Variants in NTNG2 observed in about 807,000 individuals in gnomAD.
NTNG2 encodes netrin-G2.
In NTNG2, 15 loss-of-function variants were observed where a neutral mutation model predicts 47.6. The ratio of observed to expected loss-of-function variants is 0.32; its 90% confidence interval spans 0.21 to 0.49. The LOEUF is 0.49. Among genes scored for constraint, NTNG2 ranks in the 20% least tolerant of loss-of-function variants. NTNG2 has a pLI of 0.99. For missense variants in NTNG2, 578 were observed against 764.6 expected, an observed-to-expected ratio of 0.76 and a Z score of 2.88; for synonymous variants, 307 against 324.6, an observed-to-expected ratio of 0.95 and a Z score of 0.58.
intron 2 of NTNG2, among the ~76,000 whole-genome samples, chr9:132,174,363 C>T (rs973548612): frequency 1.6e-5 from 2 of 128,012 alleles, no homozygotes; most frequent in South Asian, 5.7e-4. Flanking sequence ...GCAGATTAGA[C>T]GGACAGATGG....
intron 4 of NTNG2, among the ~76,000 whole-genome samples, chr9:132,228,557 CCT>C (rs1491089502): frequency 4.3e-5 from 2 of 46,692 alleles, no homozygotes; most frequent in South Asian, 1.1e-3. Context: ...ATCACACCCT[CCT>C]TTTTTTTTTT....
intron 6 of NTNG2, among the ~76,000 whole-genome samples, chr9:132,239,501 C>T (rs557844244): frequency 2.0e-5 from 3 of 152,332 alleles, no homozygotes; most frequent in South Asian, 2.1e-4. Flanking sequence ...ACTGGAGTTG[C>T]AAAACTTACC....
intron 5 of NTNG2, among the ~76,000 whole-genome samples, chr9:132,235,079 C>T (rs2131006771): frequency 6.6e-6 from 1 of 152,236 alleles, no homozygotes; most frequent in African/African-American, 2.4e-5. Context: ...CTGGTTCATG[C>T]TGGGGTCCCT....
At chr9:132,195,650 A>G in intron 2 of NTNG2, among the ~76,000 whole-genome samples, 1 of 151,714 alleles carries the variant, frequency 6.6e-6, no homozygotes, top group Non-Finnish European at 1.5e-5. Flanking sequence ...ATTTCTTTAG[A>G]GACAGGGTCT....
At position 132,226,765 on chromosome 9, in the gene NTNG2, C is replaced by T. The variant is rs45618132; in HGVS notation, c.858-84C>T. The T allele has an allele frequency of 7.6e-7, 1 of 1,311,500 alleles. No homozygotes were observed. The highest frequency in any genetic ancestry group is 1.0e-6 in the Non-Finnish European group (1 of 978,094). 81.2% of individuals were successfully genotyped at this position (1,311,500 alleles called of 1,614,324 possible). On this transcript the variant is annotated intron_variant, in intron 3 of 7. Transcript: ENST00000393229. This position sits in a 1 kb window ranked among gnomAD's most constrained non-coding sequence, Gnocchi z 4.8. ...CAGCCCAACACCCTCCTGGGCCCCTCCTGGGAGGCGCTCCTTTCCCCAGAG... is the reference window on the plus strand; with the variant it reads ...CAGCCCAACACCCTCCTGGGCCCCTTCTGGGAGGCGCTCCTTTCCCCAGAG...
At chr9:132,229,551 G>C (rs1409703861) in intron 4 of NTNG2, among the ~76,000 whole-genome samples, 1 of 152,162 alleles carries the variant, frequency 6.6e-6, no homozygotes, top group Non-Finnish European at 1.5e-5. Flanking sequence ...TGCCCTGCCT[G>C]ATGTCCCGCC....
At chr9:132,209,930 G>T (rs888623112) in intron 3 of NTNG2, among the ~76,000 whole-genome samples, 2 of 151,602 alleles carry the variant, frequency 1.3e-5, no homozygotes, top group Admixed American at 1.3e-4. Flanking sequence ...CGGGAGGGAC[G>T]CTGGGGACAG....
At chr9:132,212,292 G>A (rs749170348) in intron 3 of NTNG2, among the ~76,000 whole-genome samples, 5 of 152,114 alleles carry the variant, frequency 3.3e-5, no homozygotes, top group African/African-American at 9.7e-5. Context: ...CATACCCACC[G>A]TGTCACCCCT....
In NTNG2 at chr9:132,197,843, A is replaced by G; in HGVS notation, c.214-123A>G. 1 of 892,574 alleles carries G rather than the reference A, an allele frequency of 1.1e-6. No homozygotes were observed. 55.3% of individuals were successfully genotyped at this position (892,574 alleles called of 1,614,324 possible). ...CCCAGCTGTGTCTGGGCACCGGAGC[A>G]CAGGCCCTGTAGCCACAGAGCAGGT... is the stretch of plus-strand genomic sequence containing the variant. On this transcript the variant is annotated intron_variant, in intron 2 of 7. Coordinates refer to ENST00000393229, the MANE Select transcript of NTNG2 (RefSeq NM_032536.4). This position sits in a 1 kb window ranked among gnomAD's most constrained non-coding sequence, Gnocchi z 4.3.
At chr9:132,200,123 G>T (rs1021508985) in intron 3 of NTNG2, among the ~76,000 whole-genome samples, 5 of 152,134 alleles carry the variant, frequency 3.3e-5, no homozygotes, top group Non-Finnish European at 7.3e-5. Context: ...GAAGCACACC[G>T]AACAGTGCCT....
chr9:132,192,022 CTA>C (rs1837931412), intron 2 of NTNG2, among the ~76,000 whole-genome samples: 1 of 152,228 alleles, frequency 6.6e-6, no homozygotes, highest in African/African-American at 2.4e-5. Flanking sequence ...TGCTGAAAGG[CTA>C]GAGGTGTGCC....
At chr9:132,170,759 T>C (rs994890576) in intron 2 of NTNG2, among the ~76,000 whole-genome samples, 1 of 152,116 alleles carries the variant, frequency 6.6e-6, no homozygotes, top group South Asian at 2.1e-4. Flanking sequence ...GCCAAGGGAA[T>C]CCTGCCACTC....
At chr9:132,192,931 G>T (rs567106727) in intron 2 of NTNG2, among the ~76,000 whole-genome samples, 12 of 152,350 alleles carry the variant, frequency 7.9e-5, no homozygotes, top group African/African-American at 2.9e-4. Context: ...TTCCCGGGCC[G>T]GGGCGGGGGC....
chr9:132,166,722 C>T lies in NTNG2; in HGVS notation c.-110C>T. ...TCGGGTCCCTGGGACACCCCGGCCA[C>T]CCTCGCCTGGTAGATGTGGCATTTC... On this transcript the variant is annotated 5_prime_UTR_variant, in exon 2 of 8. Coordinates refer to ENST00000393229, the MANE Select transcript of NTNG2 (RefSeq NM_032536.4). 2 of 1,039,110 alleles carry T rather than the reference C, an allele frequency of 1.9e-6. No individual in the cohort carries two copies. Among genetic ancestry groups the T allele is most frequent in the Admixed American group, 1.8e-5 (1 of 57,136 alleles). The allele number at this position is 1,039,110 out of a possible 1,614,324, so 64.4% of individuals were successfully genotyped here.
chr9:132,230,718 C>G, intron 5 of NTNG2, 123 bp downstream of exon 5: 1 of 961,628 alleles, frequency 1.0e-6, no homozygotes, highest in Middle Eastern at 2.1e-4. Flanking sequence ...GGCCTATTCA[C>G]TCCCTCCTCT....
intron 5 of NTNG2, 55 bp from the exon 6 acceptor site, chr9:132,239,049 C>A: frequency 6.4e-7 from 1 of 1,570,368 alleles, no homozygotes; most frequent in South Asian, 1.1e-5. Flanking sequence ...CCCTGTCCCT[C>A]AGTTTCCCTG....
At position 132,215,681 on chromosome 9, in the gene NTNG2, G is replaced by A. The variant is rs1467237860; in HGVS notation, c.858-11168G>A. 6.6e-6 allele frequency among the ~76,000 whole-genome samples: 1 copy of A among 152,216 alleles called. No homozygotes were observed. Among genetic ancestry groups the A allele is most frequent in the Non-Finnish European group, 1.5e-5 (1 of 68,040 alleles). ...CCTCTTGGGGCGCCCCAGGGGCCTG[G>A]AGAATAGGTTGATTATCTCTATTTT... On this transcript the variant is annotated intron_variant, in intron 3 of 7. Transcript: ENST00000393229. This position sits in a 1 kb window ranked among gnomAD's most constrained non-coding sequence, Gnocchi z 4.2.
rs553474244 is a variant in NTNG2, at chr9:132,182,092, C to A, written c.213+15048C>A. ...GGAGGAGTGACGGTGTTCCCCACCC[C>A]CTGCCCTTTGAGACACAATGGAGTC... On this transcript the variant is annotated intron_variant, in intron 2 of 7. Transcript: ENST00000393229. This position sits in a 1 kb window ranked among gnomAD's most constrained non-coding sequence, Gnocchi z 4.2. 3.9e-5 allele frequency among the ~76,000 whole-genome samples: 6 copies of A among 152,350 alleles called. No individual in the cohort carries two copies. The South Asian group carries it at 1.0e-3, about 26-fold the overall frequency.
In NTNG2 at chr9:132,162,783, A is replaced by G. The variant is rs553852654; in HGVS notation, c.-484+544A>G. Among the ~76,000 whole-genome samples, 299 of 151,680 alleles carry G rather than the reference A, an allele frequency of 2.0e-3. 2 individuals are homozygous for G. Among genetic ancestry groups the G allele is most frequent in the African/African-American group, 7.0e-3 (291 of 41,346 alleles). ...TGGGAGCCTGTGAGTTGCACAGAGA[A>G]ACTCCCGGCCAGTCCGGCTGGAAAC... On this transcript the variant is annotated intron_variant, in intron 1 of 7. Transcript: ENST00000393229. The surrounding 1 kb of genome is among the most constrained non-coding windows in gnomAD (Gnocchi z 4.6).
Sources: allele counts gnomAD v4.1 joint callset (sites outside exome capture counted in the v4.1 genomes callset), GRCh38; gene constraint gnomAD v4.1.1; non-coding constraint Gnocchi (gnomAD v3.1); transcripts MANE v1.5; gene names NCBI Gene and HGNC (gene_info 2026-07-23, HGNC 2026-07-21).